The following GPAM variants were observed in gnomAD, a reference collection of about 807,000 sequenced individuals.
GPAM encodes glycerol-3-phosphate acyltransferase 1, mitochondrial.
In GPAM, 56 loss-of-function variants were observed where a neutral mutation model predicts 105.0. The observed-to-expected ratio is 0.53, with a 90% CI of 0.43 to 0.67. The LOEUF (loss-of-function observed/expected upper bound fraction) is 0.67, where lower values mean the gene tolerates loss of function less well. Ranked by LOEUF, GPAM falls within the 30% of genes least tolerant of loss-of-function variation. The pLI is 0.00. For missense variants in GPAM, 855 were observed against 989.8 expected, an observed-to-expected ratio of 0.86 and a Z score of 1.83; for synonymous variants, 368 against 354.4, an observed-to-expected ratio of 1.04 and a Z score of -0.43.
At chr10:112,165,194 C>T (rs1847192334) in intron 12 of GPAM, among the ~76,000 whole-genome samples, 1 of 152,174 alleles carries the variant, frequency 6.6e-6, no homozygotes, top group South Asian at 2.1e-4. Flanking sequence ...CCTTCTGCTC[C>T]TTATCCCTGG....
the GPAM span, among the ~76,000 whole-genome samples, chr10:112,222,768 T>C: frequency 1.3e-5 from 2 of 152,152 alleles, no homozygotes; most frequent in African/African-American, 4.8e-5. Context: ...TGCCTTGAGG[T>C]TGAGAACAAT....
At chr10:112,206,833 T>A (rs796396346) in intron 1 of GPAM, among the ~76,000 whole-genome samples, 22,952 of 139,940 alleles carry the variant, frequency 0.16, 4,214 homozygotes, top group African/African-American at 0.46. Flanking sequence ...AAAAAAAATT[T>A]AAAAAAAAAA....
chr10:112,156,415 G>C, intron 19 of GPAM: 1 of 308,390 alleles, frequency 3.2e-6, no homozygotes, highest in Non-Finnish European at 6.3e-6. Context: ...GGGCTCAACA[G>C]TCACTCAAGT....
At position 112,172,163 on chromosome 10, in the gene GPAM, CA is replaced by C; in HGVS notation, c.794+18del. Reference sequence around the variant, plus strand: ...ATAATCTTTTTAATTCCTTAAATTCCAAAATAAGCTCATCTTACCTGAAGAT... The same window carrying C: ...ATAATCTTTTTAATTCCTTAAATTCCAAATAAGCTCATCTTACCTGAAGAT... On this transcript the variant is annotated intron_variant, in intron 9 of 21. Coordinates refer to ENST00000348367, the MANE Select transcript of GPAM (RefSeq NM_001244949.2). The C allele has an allele frequency of 6.3e-7, 1 of 1,575,888 alleles. No homozygotes were observed. Among genetic ancestry groups the C allele is most frequent in the Non-Finnish European group, 8.7e-7 (1 of 1,145,796 alleles).
In GPAM at chr10:112,159,918, A is replaced by G; in HGVS notation, c.1895T>C (p.Ile632Thr). ...LCYLLSNEGT[I>T]SLPCQTFYQV... is the part of the protein sequence containing the mutation. ...TGAAGGGTCTTCACTCACCAGTGAG[A>G]TGGTGCCTTCATTGGAGAGAAGGTA... The change falls in exon 17 of 22, where the codon ATC becomes ACC. Residue 632 changes from isoleucine to threonine, a missense_variant. Transcript: ENST00000348367. 2.5e-6 allele frequency: 4 copies of G among 1,613,702 alleles called. No homozygotes were observed. The highest frequency in any genetic ancestry group is 3.4e-6 in the Non-Finnish European group (4 of 1,179,692).
At chr10:112,161,825 T>C in intron 14 of GPAM, 88 bp from the exon 15 acceptor site, 1 of 913,680 alleles carries the variant, frequency 1.1e-6, no homozygotes, top group Non-Finnish European at 1.8e-6. Context: ...TAAACAGGAG[T>C]ATTTAAAACT....
At chr10:112,200,588 G>A (rs768760576) in intron 1 of GPAM, among the ~76,000 whole-genome samples, 2 of 151,996 alleles carry the variant, frequency 1.3e-5, no homozygotes, top group Non-Finnish European at 2.9e-5. Context: ...AACCATGCCC[G>A]GCTTTGTAAG....
intron 1 of GPAM, among the ~76,000 whole-genome samples, chr10:112,194,378 C>T (rs1847698635): frequency 6.6e-6 from 1 of 152,224 alleles, no homozygotes; most frequent in Non-Finnish European, 1.5e-5. Context: ...ACAAGACAGG[C>T]TACACTATAT....
intron 1 of GPAM, among the ~76,000 whole-genome samples, chr10:112,209,273 G>A (rs1293748854): frequency 2.0e-5 from 3 of 152,150 alleles, no homozygotes; most frequent in East Asian, 1.9e-4. Context: ...GAGTGATGGC[G>A]AAGCCCCAGG....
chr10:112,158,007 T>C (rs957044790), intron 18 of GPAM, among the ~76,000 whole-genome samples: 7 of 152,228 alleles, frequency 4.6e-5, no homozygotes, highest in Non-Finnish European at 1.0e-4. Flanking sequence ...TGACATGATC[T>C]TGGCTCACTG....
At chr10:112,167,054 G>A (rs1847230243) in intron 11 of GPAM, among the ~76,000 whole-genome samples, 1 of 152,112 alleles carries the variant, frequency 6.6e-6, no homozygotes, top group African/African-American at 2.4e-5. Context: ...ACTCAGATAT[G>A]AACTCGTGAG....
intron 4 of GPAM, among the ~76,000 whole-genome samples, chr10:112,178,759 G>A (rs554379088): frequency 2.6e-5 from 4 of 152,192 alleles, no homozygotes; most frequent in African/African-American, 9.6e-5. Context: ...CAAAATCCCT[G>A]ACACAAAAGA....
Position 112,155,905 on chromosome 10 carries a change from T to G in GPAM, c.2270A>C (p.Lys757Thr). ...PEPEYLQKLHKYLITRTERNV... is the reference protein window; with the variant it reads ...PEPEYLQKLHTYLITRTERNV... ...TCTTTCTGTTCTGGTTATTAGGTATTTGTGCAACTTTTGCAGATACTCAGG... is the reference window on the plus strand; with the variant it reads ...TCTTTCTGTTCTGGTTATTAGGTATGTGTGCAACTTTTGCAGATACTCAGG... The change falls in exon 20 of 22, where the codon AAA (lysine) becomes ACA (threonine). Residue 757 changes from lysine (K) to threonine (T), a missense_variant. Physicochemically the swap from Lys to Thr is moderately conservative, Grantham distance 78. Coordinates refer to ENST00000348367, the MANE Select transcript of GPAM (RefSeq NM_001244949.2). 1 of 1,611,054 alleles carries G rather than the reference T, an allele frequency of 6.2e-7. No homozygotes were observed. Among genetic ancestry groups the G allele is most frequent in the Non-Finnish European group, 8.5e-7 (1 of 1,177,256 alleles).
chr10:112,175,236 C>G (rs1168844106), intron 6 of GPAM, among the ~76,000 whole-genome samples: 1 of 152,174 alleles, frequency 6.6e-6, no homozygotes, highest in Non-Finnish European at 1.5e-5. Context: ...AAATATCAAA[C>G]TCAATTCTCT....
Position 112,172,232 on chromosome 10 carries a change from G to A in GPAM, c.744C>T (p.Ile248=). ...LLTFILFCHN[I]KAPYIASGNN... ...TGCCTGAAGCAATGTATGGTGCTTT[G>A]ATGTTATGGCAGAAGAGAATGAAAG... Residue 248 remains isoleucine (I), a synonymous_variant, in exon 9 of 22, where the codon ATC becomes ATT. Transcript: ENST00000348367. The A allele has an allele frequency of 1.2e-6, 2 of 1,607,410 alleles. No homozygotes were observed. Among genetic ancestry groups the A allele is most frequent in the Admixed American group, 3.3e-5 (2 of 60,012 alleles).
intron 5 of GPAM, among the ~76,000 whole-genome samples, chr10:112,176,062 G>C (rs999189377): frequency 6.6e-5 from 10 of 152,166 alleles, no homozygotes; most frequent in Non-Finnish European, 5.9e-5. Context: ...TATCTATTCT[G>C]ATAAACCATA....
chr10:112,208,095 G>T (rs1234554592), intron 1 of GPAM, among the ~76,000 whole-genome samples: 1 of 152,158 alleles, frequency 6.6e-6, no homozygotes, highest in Non-Finnish European at 1.5e-5. Flanking sequence ...CAAGTGTCAG[G>T]ATAACCACAT....
chr10:112,173,250 T>TA (rs1169239106), intron 7 of GPAM, among the ~76,000 whole-genome samples, 184 bp from the exon 8 acceptor site: 948 of 14,612 alleles, frequency 0.065, 9 homozygotes, highest in African/African-American at 0.2. Flanking sequence ...TAGAGCTAAT[T>TA]TTATATATAT....
In GPAM at chr10:112,181,672, C is replaced by A. The variant is rs552306827; in HGVS notation, c.102+11G>T. 8 of 1,477,720 alleles carry A rather than the reference C, an allele frequency of 5.4e-6. No individual in the cohort carries two copies. The highest frequency in any genetic ancestry group is 7.6e-6 in the Non-Finnish European group (8 of 1,055,594). The allele number at this position is 1,477,720 out of a possible 1,614,324, so 91.5% of individuals were successfully genotyped here. On this transcript the variant is annotated intron_variant, in intron 3 of 21. Coordinates refer to ENST00000348367, the MANE Select transcript of GPAM (RefSeq NM_001244949.2). ...TAGGCTGAGTGCTTTTAACTCTTATCCTAAACTTACCCATTCCTCACTTGT... is the reference window on the plus strand; with the variant it reads ...TAGGCTGAGTGCTTTTAACTCTTATACTAAACTTACCCATTCCTCACTTGT...
Sources: gnomAD v4.1 joint callset for allele counts (sites outside exome capture counted in the v4.1 genomes callset) on GRCh38, gnomAD v4.1.1 for gene constraint, MANE v1.5 for transcripts, NCBI Gene and HGNC (gene_info 2026-07-23, HGNC 2026-07-21) for gene names.